AHI1: variants seen among roughly 807,000 people sequenced by gnomAD.
AHI1 encodes Abelson helper integration site 1.
AHI1 carries 123 observed loss-of-function variants against 149.3 expected under a neutral mutation model. The observed-to-expected ratio is 0.82, with a 90% CI of 0.71 to 0.96. The LOEUF is 0.96. AHI1 is among the 40% of genes least tolerant of loss of function. The pLI, the probability that AHI1 is intolerant of heterozygous loss-of-function variation, is 0.00. For synonymous variants in AHI1, 475 were observed against 459.8 expected, an observed-to-expected ratio of 1.03 and a Z score of -0.42; for missense variants, 1,439 against 1,422.7, an observed-to-expected ratio of 1.01 and a Z score of -0.18.
At chr6:135,496,194 G>GCTGCCT (rs938010305) in intron 2 of AHI1, among the ~76,000 whole-genome samples, 3 of 151,748 alleles carry the variant, frequency 2.0e-5, no homozygotes, top group African/African-American at 4.8e-5. Flanking sequence ...TCAGCTCACT[G>GCTGCCT]CTGCCTCCGC....
chr6:135,488,628 A>C (rs1794814924), intron 5 of AHI1, among the ~76,000 whole-genome samples: 1 of 152,216 alleles, frequency 6.6e-6, no homozygotes, highest in Admixed American at 6.5e-5. Flanking sequence ...ATTTAGAAAT[A>C]ATATTTGTAA....
At chr6:135,384,154 C>T (rs1037120148) in intron 23 of AHI1, among the ~76,000 whole-genome samples, 16 of 152,112 alleles carry the variant, frequency 1.1e-4, no homozygotes, top group African/African-American at 3.9e-4. Flanking sequence ...ATATGTACCA[C>T]AGAAATATAG....
chr6:135,470,479 G>C (rs1364534310), intron 5 of AHI1, among the ~76,000 whole-genome samples: 1 of 152,094 alleles, frequency 6.6e-6, no homozygotes, highest in Non-Finnish European at 1.5e-5. Context: ...ATACCCAAAG[G>C]AATATATGTC....
At chr6:135,472,239 A>G (rs1302113750) in intron 5 of AHI1, among the ~76,000 whole-genome samples, 1 of 152,086 alleles carries the variant, frequency 6.6e-6, no homozygotes, top group Non-Finnish European at 1.5e-5. Flanking sequence ...ATCTGGTATC[A>G]CAATAGCTTT....
At position 135,442,700 on chromosome 6, in the gene AHI1, T is replaced by C; in HGVS notation, c.1794A>G (p.Pro598=). Residue 598 remains proline, a synonymous_variant, in exon 14 of 29, where the codon CCA becomes CCG. Transcript: ENST00000265602. The part of the protein sequence containing the change: ...KRLPGQACRI[P]NKHLFSLNAG... ...CATTTAGTGAGAAGAGGTGTTTGTT[T>C]GGGATACGGCAAGCCTAAAAAACAT... 6.2e-7 allele frequency: 1 copy of C among 1,610,364 alleles called. No homozygotes were observed. Among genetic ancestry groups the C allele is most frequent in the Non-Finnish European group, 8.5e-7 (1 of 1,178,236 alleles).
chr6:135,388,201 C>A (rs543736818), intron 23 of AHI1, among the ~76,000 whole-genome samples: 1 of 152,246 alleles, frequency 6.6e-6, no homozygotes, highest in African/African-American at 2.4e-5. Context: ...ATTGTACCAC[C>A]TGAAACACTG....
chr6:135,302,381 A>AT (rs1783987102), intron 26 of AHI1: 2 of 988,602 alleles, frequency 2.0e-6, no homozygotes, highest in East Asian at 1.1e-4. Context: ...ACTTTTAATT[A>AT]TTTTTTGTTA....
At chr6:135,473,372 G>C (rs1358400184) in intron 5 of AHI1, among the ~76,000 whole-genome samples, 1 of 152,086 alleles carries the variant, frequency 6.6e-6, no homozygotes, top group Admixed American at 6.5e-5. Context: ...TTTTGAATCA[G>C]AAAGTGTAAT....
intron 20 of AHI1, among the ~76,000 whole-genome samples, chr6:135,425,905 G>A (rs750273535): frequency 4.6e-5 from 7 of 151,844 alleles, no homozygotes; most frequent in Non-Finnish European, 1.0e-4. Context: ...TATGTGTAGT[G>A]AAAATTTCAA....
intron 23 of AHI1, among the ~76,000 whole-genome samples, chr6:135,389,086 G>A (rs746374052): frequency 3.3e-5 from 5 of 151,746 alleles, no homozygotes; most frequent in East Asian, 1.9e-4. Flanking sequence ...CAAGGTGGGC[G>A]GATCACGAGG....
At chr6:135,418,822 T>G in intron 20 of AHI1, among the ~76,000 whole-genome samples, 1 of 152,098 alleles carries the variant, frequency 6.6e-6, no homozygotes, top group East Asian at 1.9e-4. Context: ...AGCTATAAAC[T>G]ATTATATTTC....
chr6:135,400,484 C>CCTGGCTTCAAGAAGCTTACAGAGGTGA (rs1779873008), intron 22 of AHI1, among the ~76,000 whole-genome samples: 1 of 151,802 alleles, frequency 6.6e-6, no homozygotes, highest in Non-Finnish European at 1.5e-5. Flanking sequence ...GATGAAGTTT[C>CCTGGCTTCAAGAAGCTTACAGAGGTGA]CTGGCTTCAA....
intron 23 of AHI1, among the ~76,000 whole-genome samples, chr6:135,359,641 T>C (rs1793537229): frequency 6.6e-6 from 1 of 152,178 alleles, no homozygotes; most frequent in Non-Finnish European, 1.5e-5. Flanking sequence ...CTGCAAACAC[T>C]GAGAATAGTG....
rs1795944284 is a variant in AHI1, at chr6:135,496,204, C to T, written c.-139-306G>A. On this transcript the variant is annotated intron_variant, in intron 2 of 28. Coordinates refer to ENST00000265602, the MANE Select transcript of AHI1 (RefSeq NM_001134831.2). Reference sequence around the variant, plus strand: ...CAATCTCAGCTCACTGCTGCCTCCGCCTCCTGGGTTCAAGCAATTCACCTG... The same window carrying T: ...CAATCTCAGCTCACTGCTGCCTCCGTCTCCTGGGTTCAAGCAATTCACCTG... 3.9e-5 allele frequency among the ~76,000 whole-genome samples: 6 copies of T among 152,042 alleles called. No individual in the cohort carries two copies. In the South Asian group the frequency reaches 1.2e-3, roughly 32 times the overall value.
chr6:135,488,914 G>GT (rs571395110), intron 5 of AHI1, among the ~76,000 whole-genome samples: 3 of 152,110 alleles, frequency 2.0e-5, no homozygotes, highest in Non-Finnish European at 4.4e-5. Flanking sequence ...CATTTACTAT[G>GT]TAACTTTCAG....
At chr6:135,304,413 T>C (rs911744430) in intron 26 of AHI1, among the ~76,000 whole-genome samples, 6 of 152,202 alleles carry the variant, frequency 3.9e-5, no homozygotes, top group African/African-American at 7.2e-5. Context: ...CCAATTATAA[T>C]GCTCTTCCTT....
intron 2 of AHI1, 35 bp downstream of exon 2, chr6:135,497,153 T>C (rs1215508237): frequency 6.6e-6 from 1 of 152,272 alleles, no homozygotes; most frequent in African/African-American, 2.4e-5. Flanking sequence ...CCTATTAATA[T>C]AATTTGGCTC....
At chr6:135,494,163 G>C (rs919515400) in intron 3 of AHI1, among the ~76,000 whole-genome samples, 3 of 152,256 alleles carry the variant, frequency 2.0e-5, no homozygotes, top group African/African-American at 7.2e-5. Flanking sequence ...CAGGGCAGTA[G>C]TTTAAAATCC....
chr6:135,334,708 TAAGAG>T (rs1789109875), intron 24 of AHI1, among the ~76,000 whole-genome samples: 2 of 152,230 alleles, frequency 1.3e-5, no homozygotes, highest in African/African-American at 4.8e-5. Context: ...ACAGATTTGT[TAAGAG>T]AAGAAAAAAT....
Sources: gnomAD v4.1 joint callset for allele counts (sites outside exome capture counted in the v4.1 genomes callset) on GRCh38, gnomAD v4.1.1 for gene constraint, MANE v1.5 for transcripts, NCBI Gene and HGNC (gene_info 2026-07-23, HGNC 2026-07-21) for gene names.